The following DEFB134 variants were observed in gnomAD, a reference collection of about 807,000 sequenced individuals.
The protein encoded by DEFB134 is defensin beta 134.
Under a neutral mutation model 7.4 loss-of-function variants are expected in DEFB134, and 7 were observed. The ratio of observed to expected loss-of-function variants is 0.95; its 90% confidence interval spans 0.54 to 1.79. DEFB134 has a LOEUF of 1.79. Among genes scored for constraint, DEFB134 ranks in the 40% most tolerant of loss-of-function variants. DEFB134 has a pLI of 0.00. For synonymous variants in DEFB134, 33 were observed against 25.0 expected (o/e 1.32, Z -0.96); for missense variants, 105 against 74.8 (o/e 1.40, Z -1.49).
chr8:11,993,804 C>T, exon 2 of DEFB134: 1 of 789,188 alleles, frequency 1.3e-6, no homozygotes, highest in Non-Finnish European at 1.8e-6. Context: ...TTAAAGAAGG[C>T]TACAGCTCAG....
upstream of DEFB134, among the ~76,000 whole-genome samples, chr8:11,998,090 AT>A (rs1171762224): frequency 2.6e-5 from 4 of 152,238 alleles, no homozygotes; most frequent in Non-Finnish European, 4.4e-5. Context: ...GTACATGGAA[AT>A]TAAACAATAT....
chr8:11,993,643 G>A (rs1192901751), exon 2 of DEFB134: 2 of 199,666 alleles, frequency 1.0e-5, no homozygotes, highest in African/African-American at 4.6e-5. Context: ...ACACGACTTA[G>A]GTGTCAAAAG....
chr8:11,998,241 G>A (rs1215422091), upstream of DEFB134, among the ~76,000 whole-genome samples: 1 of 151,946 alleles, frequency 6.6e-6, no homozygotes, highest in African/African-American at 2.4e-5. Context: ...TTGAGTCCAG[G>A]AGTTTAAGGC....
intron 1 of DEFB134, 45 bp downstream of exon 2, chr8:11,996,149 C>T (rs1182197479): frequency 6.2e-7 from 1 of 1,608,316 alleles, no homozygotes; most frequent in Non-Finnish European, 8.5e-7. Context: ...TGGCATTGTT[C>T]TTCTATATGA....
chr8:11,996,343 A>C, upstream of DEFB134: 1 of 1,428,582 alleles, frequency 7.0e-7, no homozygotes, highest in Non-Finnish European at 9.8e-7. Flanking sequence ...AGTCCTATAC[A>C]AACCTCTCAG....
At chr8:11,998,624 A>AGGTT (rs1800188188), upstream of DEFB134, among the ~76,000 whole-genome samples, 1 of 152,118 alleles carries the variant, frequency 6.6e-6, no homozygotes, top group East Asian at 1.9e-4. Flanking sequence ...CTAACATCAC[A>AGGTT]CTTAGAAGAA....
chr8:11,996,622 T>C (rs141749716), upstream of DEFB134, among the ~76,000 whole-genome samples: 23 of 152,334 alleles, frequency 1.5e-4, no homozygotes, highest in South Asian at 6.2e-4. Flanking sequence ...TTTTAGAAAA[T>C]TGGTAAAATA....
At chr8:11,996,339 A>G (rs889982991), upstream of DEFB134, 7 of 1,460,444 alleles carry the variant, frequency 4.8e-6, no homozygotes, top group East Asian at 4.6e-5. Flanking sequence ...ACACAGTCCT[A>G]TACAAACCTC....
At chr8:11,999,250 C>A (rs780133781), upstream of DEFB134, 27 of 209,470 alleles carry the variant, frequency 1.3e-4, no homozygotes, top group Non-Finnish European at 2.1e-4. Context: ...AGGTCATAAA[C>A]AGTATAAAGA....
At position 11,996,308 on chromosome 8, in the gene DEFB134, A is replaced by G. The variant is rs934104082; in HGVS notation, c.-57T>C. On this transcript the variant is annotated 5_prime_UTR_variant, in exon 1 of 2. Transcript: ENST00000526438. ...CAGGGTCTGACATCGGCTGTCAGGG[A>G]ACAGAGAGAAGAGGTTGAGCACACA... 1 of 1,595,064 alleles carries G rather than the reference A, an allele frequency of 6.3e-7. No homozygotes were observed. Among genetic ancestry groups the G allele is most frequent in the Admixed American group, 1.7e-5 (1 of 59,862 alleles).
upstream of DEFB134, chr8:11,996,414 G>A (rs1189445860): frequency 1.8e-6 from 1 of 570,610 alleles, no homozygotes; most frequent in Non-Finnish European, 2.9e-6. Context: ...AGGCAGCCGT[G>A]TTGGCAATGC....
chr8:11,998,481 C>G (rs567565900), upstream of DEFB134, among the ~76,000 whole-genome samples: 36 of 151,720 alleles, frequency 2.4e-4, no homozygotes, highest in Non-Finnish European at 5.0e-4. Flanking sequence ...AAAAAAGAGA[C>G]GTTCATTGAA....
exon 1 of DEFB134, chr8:11,996,202 A>G (rs1292865442): frequency 1.2e-6 from 2 of 1,613,758 alleles, no homozygotes; most frequent in Non-Finnish European, 1.7e-6. Context: ...ACCTGCCAGC[A>G]CTGGATCCCA....
chr8:11,994,145 G>C (rs1163019003), intron 1 of DEFB134, 23 bp from the exon 3 acceptor site: 1 of 1,604,804 alleles, frequency 6.2e-7, no homozygotes, highest in Non-Finnish European at 8.5e-7. Flanking sequence ...TGAATAGAAA[G>C]ATAATTCACT....
intron 1 of DEFB134, among the ~76,000 whole-genome samples, chr8:11,995,958 C>CAAAAAAAAAAAAAAAAAAA (rs34837269): frequency 2.9e-5 from 4 of 139,884 alleles, no homozygotes; most frequent in African/African-American, 8.4e-5. Flanking sequence ...TCAGTTCAGC[C>CAAAAAAAAAAAAAAAAAAA]AAAAAAAAAA....
upstream of DEFB134, among the ~76,000 whole-genome samples, chr8:12,000,250 C>T (rs1170637833): frequency 6.6e-6 from 1 of 151,970 alleles, no homozygotes; most frequent in Non-Finnish European, 1.5e-5. Flanking sequence ...TTTCATAGCA[C>T]TTGTCACAAT....
At chr8:11,999,664 A>G (rs6601648), upstream of DEFB134, among the ~76,000 whole-genome samples, 147,229 of 152,310 alleles carry the variant, frequency 0.97, 71,200 homozygotes, top group East Asian at 1. Flanking sequence ...TTTGCTCTAA[A>G]AGGTAAAGAA....
exon 2 of DEFB134, chr8:11,993,192 T>C (rs761059848): frequency 1.3e-4 from 20 of 152,216 alleles, no homozygotes; most frequent in Non-Finnish European, 2.4e-4. Flanking sequence ...GGCAGTTTAT[T>C]AGTTACACAT....
chr8:11,996,785 T>A (rs1800136121), upstream of DEFB134, among the ~76,000 whole-genome samples: 1 of 152,214 alleles, frequency 6.6e-6, no homozygotes, highest in Non-Finnish European at 1.5e-5. Flanking sequence ...GGTATCCTGC[T>A]TTTGTAACTT....
Sources: gnomAD v4.1 joint callset for allele counts (sites outside exome capture counted in the v4.1 genomes callset) on GRCh38, gnomAD v4.1.1 for gene constraint, MANE v1.5 for transcripts, NCBI Gene and HGNC (gene_info 2026-07-23, HGNC 2026-07-21) for gene names.